KIF27: variants seen among roughly 807,000 people sequenced by gnomAD.
KIF27 encodes kinesin-like protein KIF27.
KIF27 carries 84 observed loss-of-function variants against 141.8 expected under a neutral mutation model. That is an observed-to-expected ratio of 0.59 (90% CI 0.50 to 0.71). The LOEUF is 0.71. KIF27 is among the 30% of genes least tolerant of loss of function. The pLI is 0.00. For missense variants in KIF27, 1,306 were observed against 1,628.4 expected (o/e 0.80, Z 3.41); for synonymous variants, 471 against 569.5 (o/e 0.83, Z 2.46).
intron 16 of KIF27, chr9:83,849,517 T>C (rs533631143): frequency 6.5e-6 from 1 of 153,518 alleles, no homozygotes; most frequent in African/African-American, 2.4e-5. Context: ...GCCATATGCC[T>C]AGGTAAAATG....
At chr9:83,856,685 G>A (rs927688453) in intron 14 of KIF27, among the ~76,000 whole-genome samples, 1 of 148,714 alleles carries the variant, frequency 6.7e-6, no homozygotes, top group African/African-American at 2.5e-5. Flanking sequence ...AGGTTGTAGT[G>A]AGCTGAGATC....
chr9:83,885,772 C>T (rs1428773436), intron 9 of KIF27, among the ~76,000 whole-genome samples: 1 of 152,188 alleles, frequency 6.6e-6, no homozygotes, highest in East Asian at 1.9e-4. Flanking sequence ...GCTGGGACTA[C>T]AGGCGTGTGT....
intron 15 of KIF27, among the ~76,000 whole-genome samples, chr9:83,852,803 A>AT (rs1381457689): frequency 1.3e-4 from 20 of 151,932 alleles, no homozygotes; most frequent in Admixed American, 1.3e-3. Context: ...TAATTTTGGT[A>AT]TTTTTTGTAG....
At chr9:83,883,745 C>T (rs1186130739) in intron 10 of KIF27, 68 bp downstream of exon 10, 1 of 1,070,914 alleles carries the variant, frequency 9.3e-7, no homozygotes, top group African/African-American at 1.6e-5. Context: ...TCTTTCCTAA[C>T]TCAGTACAAG....
chr9:83,907,700 A>G (rs1954703312), intron 3 of KIF27, among the ~76,000 whole-genome samples: 1 of 152,200 alleles, frequency 6.6e-6, no homozygotes, highest in Non-Finnish European at 1.5e-5. Flanking sequence ...TTAAAAAAAG[A>G]GGAAGAAGTA....
intron 11 of KIF27, 32 bp from the exon 12 acceptor site, chr9:83,870,664 G>A: frequency 6.2e-7 from 1 of 1,602,526 alleles, no homozygotes; most frequent in Non-Finnish European, 8.5e-7. Flanking sequence ...ACACCTTATT[G>A]CTTTTACACC....
At chr9:83,916,847 T>TAG (rs1955742190) in intron 1 of KIF27, among the ~76,000 whole-genome samples, 1 of 152,028 alleles carries the variant, frequency 6.6e-6, no homozygotes, top group African/African-American at 2.4e-5. Flanking sequence ...CTATTTTTAG[T>TAG]AGACATGGGG....
intron 2 of KIF27, 105 bp from the exon 3 acceptor site, chr9:83,908,757 AC>A: frequency 3.2e-6 from 2 of 631,416 alleles, no homozygotes; most frequent in Non-Finnish European, 4.9e-6. Context: ...ATATATTATA[AC>A]TTTTTTTTTT....
At chr9:83,859,537 T>C in intron 13 of KIF27, 166 bp from the exon 14 acceptor site, 2 of 588,658 alleles carry the variant, frequency 3.4e-6, no homozygotes, top group Non-Finnish European at 6.0e-6. Context: ...TTCATTTTCT[T>C]TTTTTGTTTT....
chr9:83,892,015 A>G (rs1413611082), intron 5 of KIF27, among the ~76,000 whole-genome samples: 1 of 152,204 alleles, frequency 6.6e-6, no homozygotes, highest in Non-Finnish European at 1.5e-5. Context: ...GAGAGGAAGG[A>G]GAACTTGGAA....
Position 83,903,293 on chromosome 9 carries a change from G to A in KIF27, c.1225C>T (p.Leu409=). The change falls in exon 4 of 18, where the codon CTG becomes TTG. Residue 409 remains leucine (L), a synonymous_variant. Coordinates refer to ENST00000297814, the MANE Select transcript of KIF27 (RefSeq NM_017576.4). ...EQVAQLQGEC[L]GYQCCVEEAF... is the part of the protein sequence containing the mutation. ...TCTTCTACACAACACTGGTAACCCA[G>A]ACATTCTCCTTGAAGCTGAGCTACT... The A allele has an allele frequency of 6.2e-7, 1 of 1,614,192 alleles. No homozygotes were observed. Among genetic ancestry groups the A allele is most frequent in the South Asian group, 1.1e-5 (1 of 91,084 alleles).
At chr9:83,910,063 ATAC>A (rs1954985571) in intron 2 of KIF27, among the ~76,000 whole-genome samples, 4 of 151,534 alleles carry the variant, frequency 2.6e-5, no homozygotes, top group African/African-American at 9.7e-5. Context: ...AAATACATAC[ATAC>A]ATACATACAT....
At chr9:83,880,197 A>T in intron 11 of KIF27, 100 bp downstream of exon 11, 1 of 1,548,482 alleles carries the variant, frequency 6.5e-7, no homozygotes, top group Non-Finnish European at 8.9e-7. Context: ...GGTCAAGGAT[A>T]GATACTTCAC....
chr9:83,883,936 T>C lies in KIF27; in HGVS notation c.2322A>G (p.Glu774=), dbSNP rs753552026. The part of the protein sequence containing the change: ...LEHDAEQAKV[E]LIETQKQLQE... ...GTAGCTGCTTTTGTGTTTCAATCAG[T>C]TCGACTTTTGCCTGTTCTGCATCAT... Residue 774 remains glutamate (E), a synonymous_variant, in exon 10 of 18, where the codon GAA becomes GAG. Coordinates refer to ENST00000297814, the MANE Select transcript of KIF27 (RefSeq NM_017576.4). 1 of 1,613,774 alleles carries C rather than the reference T, an allele frequency of 6.2e-7. No individual in the cohort carries two copies. Among genetic ancestry groups the C allele is most frequent in the Non-Finnish European group, 8.5e-7 (1 of 1,179,722 alleles).
intron 12 of KIF27, among the ~76,000 whole-genome samples, chr9:83,869,946 G>T (rs1950635635): frequency 6.6e-6 from 1 of 152,120 alleles, no homozygotes; most frequent in South Asian, 2.1e-4. Flanking sequence ...TGGGCAACAG[G>T]ATTATTAGAA....
Position 83,889,238 on chromosome 9 carries a change from G to A in KIF27, c.1825C>T (p.Pro609Ser). Residue 609 changes from proline to serine, a missense_variant, in exon 7 of 18, where the codon CCT becomes TCT. Physicochemically the swap from Pro to Ser is moderately conservative, Grantham distance 74. Transcript: ENST00000297814. ...QDSRKVHTSP[P>S]MYSLDRIFAG... ...AATATTCGATCCAGAGAGTACATAG[G>A]CGGACTTGTGTGGACCTTGCAAGTG... is the stretch of plus-strand genomic sequence containing the variant. 6.2e-7 allele frequency: 1 copy of A among 1,610,860 alleles called. No homozygotes were observed. Among genetic ancestry groups the A allele is most frequent in the Non-Finnish European group, 8.5e-7 (1 of 1,178,218 alleles).
intron 2 of KIF27, among the ~76,000 whole-genome samples, chr9:83,913,903 A>T (rs1312662714): frequency 6.6e-6 from 1 of 152,200 alleles, no homozygotes; most frequent in Non-Finnish European, 1.5e-5. Flanking sequence ...TTCTTATGCA[A>T]CACTTGCAAT....
Position 83,864,287 on chromosome 9 carries a change from T to C in KIF27, c.2934+3397A>G, listed in dbSNP as rs539383223. Among the ~76,000 whole-genome samples, 9 of 152,372 alleles carry C rather than the reference T, an allele frequency of 5.9e-5. No individual in the cohort carries two copies. The South Asian group carries it at 1.7e-3, about 28-fold the overall frequency. On this transcript the variant is annotated intron_variant, in intron 13 of 17. Transcript: ENST00000297814. ...TGTTAGGCTGTTAATTTTAGATCTT[T>C]CCTGCTTTCTCTTGTCGGCATTTAG... is the stretch of plus-strand genomic sequence containing the variant.
chr9:83,902,081 C>G (rs1039677020), intron 4 of KIF27, among the ~76,000 whole-genome samples: 1 of 151,992 alleles, frequency 6.6e-6, no homozygotes, highest in African/African-American at 2.4e-5. Flanking sequence ...GTCCTGTGAT[C>G]AAAAAGTTTG....
Sources: allele counts gnomAD v4.1 joint callset (sites outside exome capture counted in the v4.1 genomes callset), GRCh38; gene constraint gnomAD v4.1.1; transcripts MANE v1.5; gene names NCBI Gene and HGNC (gene_info 2026-07-23, HGNC 2026-07-21).